The following IFT74 variants were observed in gnomAD, a reference collection of about 807,000 sequenced individuals.
IFT74 encodes the protein intraflagellar transport protein 74 homolog.
IFT74 carries 92 observed loss-of-function variants against 96.7 expected under a neutral mutation model. The observed-to-expected ratio is 0.95, with a 90% CI of 0.80 to 1.13. The LOEUF is 1.13. Ranked by LOEUF, IFT74 falls within the 50% of genes most tolerant of loss-of-function variation. The probability of loss-of-function intolerance (pLI) is 0.00; values close to 1 mark genes in which losing one functional copy is unlikely to be tolerated. For missense variants in IFT74, 811 were observed against 698.2 expected (o/e 1.16, Z -1.82); for synonymous variants, 223 against 213.2 (o/e 1.05, Z -0.40).
intron 11 of IFT74, among the ~76,000 whole-genome samples, chr9:27,017,809 C>T (rs1829419956): frequency 6.6e-6 from 1 of 152,028 alleles, no homozygotes; most frequent in African/African-American, 2.4e-5. Flanking sequence ...TTCTTACTAC[C>T]CCAGGGGTGG....
At chr9:27,009,234 T>G (rs1458592625) in intron 9 of IFT74, 76 bp downstream of exon 9, 1 of 1,351,934 alleles carries the variant, frequency 7.4e-7, no homozygotes, top group African/African-American at 1.5e-5. Flanking sequence ...ATCAGCAGCA[T>G]CAGCATCCCC....
At chr9:26,999,523 T>C (rs1828359029) in intron 8 of IFT74, 2 of 946,180 alleles carry the variant, frequency 2.1e-6, no homozygotes, top group African/African-American at 3.4e-5. Flanking sequence ...TCAGATTTTC[T>C]TTGCTTTCTT....
chr9:26,999,394 A>G (rs1828352578), intron 8 of IFT74, among the ~76,000 whole-genome samples: 1 of 152,092 alleles, frequency 6.6e-6, no homozygotes, highest in Non-Finnish European at 1.5e-5. Context: ...TATAGTGAAA[A>G]TTTTCAGATC....
At chr9:27,034,115 G>A (rs1250319315) in intron 13 of IFT74, among the ~76,000 whole-genome samples, 2 of 152,120 alleles carry the variant, frequency 1.3e-5, no homozygotes, top group Non-Finnish European at 2.9e-5. Flanking sequence ...CTCCAGGAGG[G>A]ATTATTGGGC....
At chr9:27,045,482 C>T (rs879464717) in intron 14 of IFT74, among the ~76,000 whole-genome samples, 1 of 152,062 alleles carries the variant, frequency 6.6e-6, no homozygotes, top group Non-Finnish European at 1.5e-5. Flanking sequence ...TAATACTTAT[C>T]TCATTGTTTA....
chr9:26,993,679 A>T (rs1487406565), intron 8 of IFT74: 3 of 152,308 alleles, frequency 2.0e-5, no homozygotes, highest in African/African-American at 4.8e-5. Flanking sequence ...ATACATAAAC[A>T]ATTTGAACAT....
intron 16 of IFT74, among the ~76,000 whole-genome samples, chr9:27,049,877 T>G (rs1198704188): frequency 6.6e-6 from 1 of 152,090 alleles, no homozygotes; most frequent in African/African-American, 2.4e-5. Context: ...TATATTATAT[T>G]TATATAAAGT....
chr9:27,056,912 A>G (rs896013508), intron 18 of IFT74, among the ~76,000 whole-genome samples: 10 of 150,714 alleles, frequency 6.6e-5, no homozygotes, highest in Admixed American at 6.0e-4. Context: ...AGATATGTGT[A>G]TACACATATT....
chr9:27,038,361 C>T lies in IFT74; in HGVS notation c.1055-6381C>T, dbSNP rs557270877. The stretch of plus-strand genomic sequence containing the variant: ...CACTGCAACCTCTGCCTCCTGGGTT[C>T]AAGCAGTTCTCACGCCTCAGCCTCC... On this transcript the variant is annotated intron_variant, in intron 13 of 19. Coordinates refer to ENST00000380062, the MANE Select transcript of IFT74 (RefSeq NM_025103.4). 3.3e-5 allele frequency among the ~76,000 whole-genome samples: 5 copies of T among 152,248 alleles called. No homozygotes were observed. In the East Asian group the frequency reaches 5.8e-4, roughly 18 times the overall value.
At position 27,063,666 on chromosome 9, in the gene IFT74, T is replaced by C. The variant is rs537385402; in HGVS notation, c.*930T>C. Among the ~76,000 whole-genome samples the C allele has an allele frequency of 3.3e-5, 5 of 152,276 alleles. No homozygotes were observed. The East Asian group carries it at 9.6e-4, about 29-fold the overall frequency. ...TGATATCATGTTCACTAAGTAACTC[T>C]ACTTTTCAGTATTTCTGAAACAACA... is the stretch of plus-strand genomic sequence containing the variant. On this transcript the variant is annotated 3_prime_UTR_variant, in exon 20 of 20. Coordinates refer to ENST00000380062, the MANE Select transcript of IFT74 (RefSeq NM_025103.4).
chr9:27,031,038 G>A (rs1448720218), intron 13 of IFT74, among the ~76,000 whole-genome samples: 1 of 152,136 alleles, frequency 6.6e-6, no homozygotes, highest in East Asian at 1.9e-4. Flanking sequence ...AGGCTAGAGT[G>A]CAGTGACTAT....
chr9:26,959,249 C>T (rs985160268), intron 1 of IFT74, among the ~76,000 whole-genome samples: 1 of 152,146 alleles, frequency 6.6e-6, no homozygotes, highest in Non-Finnish European at 1.5e-5. Context: ...GCTGGGACTA[C>T]AGACACTCGC....
intron 10 of IFT74, 33 bp from the exon 11 acceptor site, chr9:27,016,874 T>C (rs1427891134): frequency 6.5e-7 from 1 of 1,536,372 alleles, no homozygotes; most frequent in Non-Finnish European, 8.8e-7. Flanking sequence ...GATAAAATAC[T>C]AATTAAAACT....
At position 27,005,893 on chromosome 9, in the gene IFT74, G is replaced by A. The variant is rs1209764169; in HGVS notation, c.588-3127G>A. Among the ~76,000 whole-genome samples, 3 of 152,222 alleles carry A rather than the reference G, an allele frequency of 2.0e-5. No individual in the cohort carries two copies. The East Asian group carries it at 5.8e-4, about 29-fold the overall frequency. Reference sequence around the variant, plus strand: ...CTCGCTCTGTCATTCAGGCTGGAGTGCAGTGGCATGATCTCGGCTCAATGC... The same window carrying A: ...CTCGCTCTGTCATTCAGGCTGGAGTACAGTGGCATGATCTCGGCTCAATGC... On this transcript the variant is annotated intron_variant, in intron 8 of 19. Transcript: ENST00000380062.
chr9:26,962,833 TA>T (rs1010511056), intron 2 of IFT74, among the ~76,000 whole-genome samples: 19 of 151,782 alleles, frequency 1.3e-4, no homozygotes, highest in African/African-American at 4.6e-4. Context: ...TAAAACACCA[TA>T]AAAAATTAGA....
At position 27,062,833 on chromosome 9, in the gene IFT74, T is replaced by G; in HGVS notation, c.*97T>G. The G allele has an allele frequency of 1.4e-6, 1 of 696,558 alleles. No individual in the cohort carries two copies. The highest frequency in any genetic ancestry group is 2.5e-6 in the Non-Finnish European group (1 of 403,672). The allele number at this position is 696,558 out of a possible 1,614,324, so 43.1% of individuals were successfully genotyped here. The stretch of plus-strand genomic sequence containing the variant: ...AAAAAAAAAAGCTTACTTTTGGAGT[T>G]TACCTAAAATTTCTGAATGTTATAA... On this transcript the variant is annotated 3_prime_UTR_variant, in exon 20 of 20. Transcript: ENST00000380062.
Position 27,018,085 on chromosome 9 carries a change from A to C in IFT74, c.934-562A>C, listed in dbSNP as rs369447389. Reference sequence around the variant, plus strand: ...GAGAAATCATTGAAAGATGGGGAGGAGTGATCTTGAGGTACGCCTACCACA... The same window carrying C: ...GAGAAATCATTGAAAGATGGGGAGGCGTGATCTTGAGGTACGCCTACCACA... On this transcript the variant is annotated intron_variant, in intron 11 of 19. Transcript: ENST00000380062. Among the ~76,000 whole-genome samples, 5 of 152,276 alleles carry C rather than the reference A, an allele frequency of 3.3e-5. No homozygotes were observed. In the East Asian group the frequency reaches 9.6e-4, roughly 29 times the overall value.
At position 26,960,573 on chromosome 9, in the gene IFT74, C is replaced by G. The variant is rs1210628897; in HGVS notation, c.-19-1376C>G. ...AGAACTTACTAACGGATGTGACCAA[C>G]AATTTGAAAACTACTACTCTAAATT... On this transcript the variant is annotated intron_variant, in intron 1 of 19. Transcript: ENST00000380062. Among the ~76,000 whole-genome samples, 11 of 152,212 alleles carry G rather than the reference C, an allele frequency of 7.2e-5. No individual in the cohort carries two copies. The South Asian group carries it at 1.9e-3, about 26-fold the overall frequency.
intron 12 of IFT74, among the ~76,000 whole-genome samples, chr9:27,025,505 G>A (rs145868950): frequency 6.7e-6 from 1 of 149,990 alleles, no homozygotes; most frequent in African/African-American, 2.4e-5. Context: ...ACTGGGAAAT[G>A]CATCACAAAA....
Sources: gnomAD v4.1 joint callset for allele counts (sites outside exome capture counted in the v4.1 genomes callset) on GRCh38, gnomAD v4.1.1 for gene constraint, MANE v1.5 for transcripts, NCBI Gene and HGNC (gene_info 2026-07-23, HGNC 2026-07-21) for gene names.